Variants in CELF4 observed in about 807,000 individuals in gnomAD.
CELF4 encodes the protein CUGBP Elav-like family member 4.
In CELF4, 18 loss-of-function variants were observed where a neutral mutation model predicts 59.9. That is an observed-to-expected ratio of 0.30 (90% CI 0.21 to 0.45). The LOEUF is 0.45. Among genes scored for constraint, CELF4 ranks in the 20% least tolerant of loss-of-function variants. The pLI is 1.00. For synonymous variants in CELF4, 261 were observed against 267.1 expected (o/e 0.98, Z 0.22); for missense variants, 456 against 689.0 (o/e 0.66, Z 3.79).
At chr18:37,458,219 C>T (rs910863735) in intron 2 of CELF4, among the ~76,000 whole-genome samples, 3 of 152,122 alleles carry the variant, frequency 2.0e-5, no homozygotes, top group Non-Finnish European at 4.4e-5. Flanking sequence ...CTCTTTTTCC[C>T]ATTAGGGCTC....
intron 2 of CELF4, among the ~76,000 whole-genome samples, chr18:37,352,028 A>G (rs1050368768): frequency 6.6e-6 from 1 of 152,178 alleles, no homozygotes; most frequent in Non-Finnish European, 1.5e-5. Context: ...GTCTGAGTAC[A>G]TGGGTCTCTA....
intron 2 of CELF4, among the ~76,000 whole-genome samples, chr18:37,405,767 G>A (rs1437766637): frequency 6.6e-6 from 1 of 152,146 alleles, no homozygotes; most frequent in Non-Finnish European, 1.5e-5. Context: ...TTTGGCTGTG[G>A]AGGGAGAGTG....
intron 2 of CELF4, among the ~76,000 whole-genome samples, chr18:37,386,183 A>G (rs1003738942): frequency 6.6e-6 from 1 of 152,232 alleles, no homozygotes; most frequent in Non-Finnish European, 1.5e-5. Flanking sequence ...CCCCTAAAGA[A>G]TGTCTGCTCT....
chr18:37,260,348 AATCGTTC>A (rs1876546626), intron 10 of CELF4, among the ~76,000 whole-genome samples: 1 of 152,254 alleles, frequency 6.6e-6, no homozygotes, highest in South Asian at 2.1e-4. Context: ...TTAAAATGGA[AATCGTTC>A]CAAGATGCGT....
intron 2 of CELF4, among the ~76,000 whole-genome samples, chr18:37,456,639 GTCT>G (rs1329575740): frequency 2.0e-5 from 3 of 152,140 alleles, no homozygotes; most frequent in African/African-American, 7.2e-5. Context: ...ATTAGGATGG[GTCT>G]TCTTAGCCCC....
chr18:37,455,590 C>T (rs922404310), intron 2 of CELF4, among the ~76,000 whole-genome samples: 1 of 152,196 alleles, frequency 6.6e-6, no homozygotes, highest in Non-Finnish European at 1.5e-5. Flanking sequence ...TGCCTCTGCC[C>T]CAGCCCTGTG....
chr18:37,274,782 C>T (rs1241061510), intron 5 of CELF4, 23 bp downstream of exon 5: 1 of 1,559,618 alleles, frequency 6.4e-7, no homozygotes, highest in Non-Finnish European at 8.7e-7. Context: ...CCCTCGCCCC[C>T]GCCCCAAGGG....
At chr18:37,271,049 T>C (rs1198309216) in intron 7 of CELF4, 132 bp from the exon 8 acceptor site, 2 of 708,462 alleles carry the variant, frequency 2.8e-6, no homozygotes, top group Middle Eastern at 4.0e-4. Context: ...CACATACCAG[T>C]TCAATCTTAT....
chr18:37,507,889 G>T (rs1011269620), intron 1 of CELF4, among the ~76,000 whole-genome samples: 1 of 152,056 alleles, frequency 6.6e-6, no homozygotes, highest in Non-Finnish European at 1.5e-5. Flanking sequence ...GTTCTGCCAC[G>T]CTGGTGATCA....
intron 3 of CELF4, among the ~76,000 whole-genome samples, chr18:37,304,226 A>G (rs2096257011): frequency 6.6e-6 from 1 of 152,196 alleles, no homozygotes; most frequent in Non-Finnish European, 1.5e-5. Flanking sequence ...CATCGCCCAC[A>G]CAGATGCTTC....
chr18:37,415,696 T>C (rs1386499246), intron 2 of CELF4, among the ~76,000 whole-genome samples: 2 of 152,234 alleles, frequency 1.3e-5, no homozygotes, highest in Non-Finnish European at 2.9e-5. Flanking sequence ...TTCTGCTGTA[T>C]ATGGAGCCTG....
intron 1 of CELF4, among the ~76,000 whole-genome samples, chr18:37,497,389 C>T (rs562530257): frequency 6.6e-6 from 1 of 152,230 alleles, no homozygotes; most frequent in Non-Finnish European, 1.5e-5. Context: ...TGTAGTGGCT[C>T]AGGCCTGTAA....
At chr18:37,478,340 T>C (rs566942656) in intron 2 of CELF4, among the ~76,000 whole-genome samples, 1 of 152,320 alleles carries the variant, frequency 6.6e-6, no homozygotes, top group East Asian at 1.9e-4. Flanking sequence ...TATTATCTCA[T>C]GTGCCCTCTT....
chr18:37,496,309 C>A (rs534904183), intron 1 of CELF4, among the ~76,000 whole-genome samples: 2 of 152,322 alleles, frequency 1.3e-5, no homozygotes, highest in Admixed American at 6.5e-5. Flanking sequence ...CTCTGGAACC[C>A]CCTTACCAAG....
intron 3 of CELF4, chr18:37,305,678 A>G (rs775006970): frequency 1.3e-5 from 2 of 152,272 alleles, no homozygotes; most frequent in Admixed American, 6.5e-5. Flanking sequence ...TGGTAACCCC[A>G]GCAAGTGAGC....
chr18:37,453,988 C>T (rs1370888342), intron 2 of CELF4, among the ~76,000 whole-genome samples: 1 of 152,110 alleles, frequency 6.6e-6, no homozygotes, highest in African/African-American at 2.4e-5. Flanking sequence ...TTCAGGCTGA[C>T]CTTGGGTTTT....
intron 2 of CELF4, among the ~76,000 whole-genome samples, chr18:37,322,200 G>A (rs2097147924): frequency 6.6e-6 from 1 of 152,206 alleles, no homozygotes; most frequent in South Asian, 2.1e-4. Context: ...ATGCTGGCCT[G>A]TCCCTCTGTG....
chr18:37,277,691 G>A (rs1489536665), intron 3 of CELF4, among the ~76,000 whole-genome samples: 3 of 152,186 alleles, frequency 2.0e-5, no homozygotes, highest in Non-Finnish European at 4.4e-5. Context: ...TACTGGAAGT[G>A]AAATGGGAGC....
At chr18:37,435,640 G>A (rs2099689007) in intron 2 of CELF4, among the ~76,000 whole-genome samples, 1 of 152,180 alleles carries the variant, frequency 6.6e-6, no homozygotes, top group African/African-American at 2.4e-5. Context: ...TCTCTGCAAT[G>A]ATTCATCACT....
Sources: allele counts gnomAD v4.1 joint callset (sites outside exome capture counted in the v4.1 genomes callset), GRCh38; gene constraint gnomAD v4.1.1; transcripts MANE v1.5; gene names NCBI Gene and HGNC (gene_info 2026-07-23, HGNC 2026-07-21).